The following NSL1 variants were observed in gnomAD, a reference collection of about 807,000 sequenced individuals.
NSL1 encodes kinetochore-associated protein NSL1 homolog.
NSL1 carries 11 observed loss-of-function variants against 25.4 expected under a neutral mutation model. The observed-to-expected ratio is 0.43, with a 90% CI of 0.27 to 0.72. The LOEUF is 0.72. Ranked by LOEUF, NSL1 falls within the 30% of genes least tolerant of loss-of-function variation. The pLI, the probability that NSL1 is intolerant of heterozygous loss-of-function variation, is 0.19. For synonymous variants in NSL1, 118 were observed against 120.6 expected (o/e 0.98, Z 0.14); for missense variants, 330 against 342.7 (o/e 0.96, Z 0.29).
chr1:212,762,075 A>C (rs141974552), intron 4 of NSL1, among the ~76,000 whole-genome samples: 3,456 of 152,000 alleles, frequency 0.023, 62 homozygotes, highest in South Asian at 0.042. Context: ...AGGTGGGTGG[A>C]TCACCTGAGG....
Position 212,738,558 on chromosome 1 carries a change from AG to A in NSL1, c.695del (p.Pro232LeufsTer5). ...SSCHRKPDAK[P>X]ENFITQIETT... is the part of the protein sequence containing the mutation. ...TTTCTATCTGTGTTATAAAGTTCTC[AG>A]GTTTAGCATCTGGTTTCCTATGACA... On this transcript the variant is annotated frameshift_variant, in exon 6 of 6. Coordinates refer to ENST00000366977, the MANE Select transcript of NSL1 (RefSeq NM_015471.4). LOFTEE classifies it low-confidence loss of function (END_TRUNC). 6.2e-7 allele frequency: 1 copy of A among 1,614,126 alleles called. No individual in the cohort carries two copies.
chr1:212,747,160 T>A (rs1389711645), intron 4 of NSL1, among the ~76,000 whole-genome samples: 1 of 150,512 alleles, frequency 6.6e-6, no homozygotes, highest in Non-Finnish European at 1.5e-5. Flanking sequence ...CCCCCAGTGA[T>A]CTCTGCCTTG....
At chr1:212,784,571 A>C in intron 2 of NSL1, 78 bp from the exon 3 acceptor site, 1 of 860,080 alleles carries the variant, frequency 1.2e-6, no homozygotes, top group Admixed American at 3.4e-5. Context: ...AATGTGCTAT[A>C]AACTAAATTT....
Position 212,731,313 on chromosome 1 carries a change from TG to T in NSL1, c.*7094del. The T allele has an allele frequency of 1.0e-6, 1 of 983,916 alleles. No homozygotes were observed. The highest frequency in any genetic ancestry group is 1.2e-6 in the Non-Finnish European group (1 of 828,578). The allele number at this position is 983,916 out of a possible 1,614,324, so 60.9% of individuals were successfully genotyped here. A position where few individuals can be genotyped will look rare whatever the true frequency, so the allele number is the denominator to read the frequency against. On this transcript the variant is annotated 3_prime_UTR_variant, in exon 6 of 6. Coordinates refer to ENST00000366977, the MANE Select transcript of NSL1 (RefSeq NM_015471.4). ...GCTCATTCCTGTAATCCCAGCACTTTGGGAAGCTGAGGCAGGAGGATGGCTT... is the reference window on the plus strand; with the variant it reads ...GCTCATTCCTGTAATCCCAGCACTTTGGAAGCTGAGGCAGGAGGATGGCTT...
intron 4 of NSL1, among the ~76,000 whole-genome samples, chr1:212,777,621 T>G (rs1030925149): frequency 6.6e-6 from 1 of 152,178 alleles, no homozygotes; most frequent in African/African-American, 2.4e-5. Context: ...TATCTATAAA[T>G]TAAGTATAAA....
chr1:212,789,458 C>T (rs1661083033), intron 1 of NSL1, among the ~76,000 whole-genome samples: 1 of 147,816 alleles, frequency 6.8e-6, no homozygotes, highest in African/African-American at 2.6e-5. Flanking sequence ...GTGATCCGCC[C>T]GCCTCAGCCT....
intron 1 of NSL1, 83 bp downstream of exon 1, chr1:212,791,447 G>A: frequency 7.7e-6 from 10 of 1,294,656 alleles, no homozygotes; most frequent in South Asian, 2.6e-5. Flanking sequence ...GCCAAGGCCT[G>A]GCGTGGGATC....
At chr1:212,774,945 A>G (rs529137856) in intron 4 of NSL1, among the ~76,000 whole-genome samples, 1 of 152,236 alleles carries the variant, frequency 6.6e-6, no homozygotes, top group Non-Finnish European at 1.5e-5. Flanking sequence ...ATGTCTGTAC[A>G]TTCTAGTGTT....
intron 4 of NSL1, among the ~76,000 whole-genome samples, chr1:212,749,154 T>C (rs1272456275): frequency 2.0e-5 from 3 of 152,196 alleles, no homozygotes; most frequent in Non-Finnish European, 2.9e-5. Flanking sequence ...TTATATGTTA[T>C]ACTGCAATAT....
intron 4 of NSL1, among the ~76,000 whole-genome samples, chr1:212,772,685 A>G (rs1660179630): frequency 7.4e-6 from 1 of 135,368 alleles, no homozygotes; most frequent in African/African-American, 2.8e-5. Context: ...TCAAAAAAAG[A>G]AAAAAAGAAA....
Position 212,745,967 on chromosome 1 carries a change from A to AAAAC in NSL1, c.500-6370_500-6367dup, listed in dbSNP as rs535616293. Among the ~76,000 whole-genome samples, 611 of 152,238 alleles carry AAAAC rather than the reference A, an allele frequency of 4.0e-3. 3 individuals are homozygous for AAAAC. Among genetic ancestry groups the AAAAC allele is most frequent in the African/African-American group, 0.014 (571 of 41,550 alleles). On this transcript the variant is annotated intron_variant, in intron 4 of 5. Transcript: ENST00000366977. ...AATGACAGAGTAAGACCCCATCTCA[A>AAAAC]AAACAAACAAACAAACAAACAAAAC... is the stretch of plus-strand genomic sequence containing the variant.
chr1:212,753,033 T>C (rs1659139341), intron 4 of NSL1, among the ~76,000 whole-genome samples: 3 of 152,232 alleles, frequency 2.0e-5, no homozygotes, highest in Admixed American at 6.5e-5. Flanking sequence ...AACCAAGAAT[T>C]AGAAAGCAGC....
chr1:212,789,890 A>G (rs1168752372), intron 1 of NSL1, among the ~76,000 whole-genome samples: 1 of 152,232 alleles, frequency 6.6e-6, no homozygotes, highest in Non-Finnish European at 1.5e-5. Context: ...CCAAAAAACT[A>G]CTAAAAACGT....
At position 212,736,093 on chromosome 1, in the gene NSL1, A is replaced by C; in HGVS notation, c.*2315T>G. On this transcript the variant is annotated 3_prime_UTR_variant, in exon 6 of 6. Coordinates refer to ENST00000366977, the MANE Select transcript of NSL1 (RefSeq NM_015471.4). The stretch of plus-strand genomic sequence containing the variant: ...CACTCTGTCACCCAGGCTGGAGTAC[A>C]GTGGTGCCATCCTGGCTCACTGCAA... 1 of 961,170 alleles carries C rather than the reference A, an allele frequency of 1.0e-6. No individual in the cohort carries two copies. Among genetic ancestry groups the C allele is most frequent in the East Asian group, 1.2e-4 (1 of 8,686 alleles). The allele number at this position is 961,170 out of a possible 1,614,324, so 59.5% of individuals were successfully genotyped here.
chr1:212,761,703 G>A (rs1322096407), intron 4 of NSL1, among the ~76,000 whole-genome samples: 1 of 152,048 alleles, frequency 6.6e-6, no homozygotes, highest in East Asian at 1.9e-4. Context: ...GAAGCTCAGT[G>A]AGATCCAAGA....
At chr1:212,780,159 A>G (rs1660653759) in intron 4 of NSL1, among the ~76,000 whole-genome samples, 2 of 152,102 alleles carry the variant, frequency 1.3e-5, no homozygotes, top group Admixed American at 1.3e-4. Flanking sequence ...TTCTGTACTA[A>G]GAAAAATTCT....
Position 212,736,549 on chromosome 1 carries a change from C to G in NSL1, c.*1859G>C, listed in dbSNP as rs1323708674. 6.1e-6 allele frequency: 6 copies of G among 984,712 alleles called. No individual in the cohort carries two copies. The highest frequency in any genetic ancestry group is 7.2e-6 in the Non-Finnish European group (6 of 829,308). 61.0% of individuals were successfully genotyped at this position (984,712 alleles called of 1,614,324 possible). ...AATATTATTACTGCTATTGGTCATGCTTTTCTTAGTTAATAATGCTAATAC... is the reference window on the plus strand; with the variant it reads ...AATATTATTACTGCTATTGGTCATGGTTTTCTTAGTTAATAATGCTAATAC... On this transcript the variant is annotated 3_prime_UTR_variant, in exon 6 of 6. Transcript: ENST00000366977.
chr1:212,740,097 T>C (rs1260971272), intron 4 of NSL1, among the ~76,000 whole-genome samples: 1 of 152,168 alleles, frequency 6.6e-6, no homozygotes. Flanking sequence ...TTCCAATCTT[T>C]GCATATTCAA....
At chr1:212,766,939 G>A (rs184079632) in intron 4 of NSL1, among the ~76,000 whole-genome samples, 1 of 152,172 alleles carries the variant, frequency 6.6e-6, no homozygotes, top group African/African-American at 2.4e-5. Flanking sequence ...AGAAATCACA[G>A]ATGACACAAA....
Sources: allele counts gnomAD v4.1 joint callset (sites outside exome capture counted in the v4.1 genomes callset), GRCh38; gene constraint gnomAD v4.1.1; transcripts MANE v1.5; gene names NCBI Gene and HGNC (gene_info 2026-07-23, HGNC 2026-07-21).